FOXP2: variants seen among roughly 807,000 people sequenced by gnomAD.
FOXP2 encodes forkhead box protein P2.
In FOXP2, 12 loss-of-function variants were observed where a neutral mutation model predicts 115.8. The observed-to-expected ratio is 0.10, with a 90% CI of 0.07 to 0.17. The LOEUF (loss-of-function observed/expected upper bound fraction) is 0.17. Ranked by LOEUF, FOXP2 falls within the 10% of genes least tolerant of loss-of-function variation. The probability of loss-of-function intolerance (pLI) is 1.00; values close to 1 mark genes in which losing one functional copy is unlikely to be tolerated. For missense variants in FOXP2, 629 were observed against 843.5 expected, an observed-to-expected ratio of 0.75 and a Z score of 3.15; for synonymous variants, 328 against 297.7, an observed-to-expected ratio of 1.10 and a Z score of -1.05.
intron 2 of FOXP2, among the ~76,000 whole-genome samples, chr7:114,379,626 C>A (rs772387768): frequency 4.9e-4 from 74 of 152,048 alleles, no homozygotes; most frequent in Non-Finnish European, 9.1e-4. Context: ...GCATCTGGGG[C>A]TCCATTTGAA....
At chr7:114,574,245 C>A (rs999550719) in intron 3 of FOXP2, among the ~76,000 whole-genome samples, 10 of 151,554 alleles carry the variant, frequency 6.6e-5, no homozygotes, top group African/African-American at 1.5e-4. Flanking sequence ...ATTCACTATT[C>A]TAAGAGTAAC....
At chr7:114,377,380 T>A (rs1463645809) in intron 2 of FOXP2, among the ~76,000 whole-genome samples, 6 of 152,246 alleles carry the variant, frequency 3.9e-5, no homozygotes, top group Admixed American at 3.9e-4. Flanking sequence ...CAACTCCCAC[T>A]TAGAAGAGAA....
At chr7:114,180,842 G>C (rs1793436906) in intron 1 of FOXP2, among the ~76,000 whole-genome samples, 1 of 151,784 alleles carries the variant, frequency 6.6e-6, no homozygotes, top group African/African-American at 2.4e-5. Context: ...TCACTGCAAT[G>C]ATCTCTTAAT....
At chr7:114,337,086 G>A (rs1460340086) in intron 2 of FOXP2, among the ~76,000 whole-genome samples, 1 of 151,478 alleles carries the variant, frequency 6.6e-6, no homozygotes, top group Admixed American at 6.6e-5. Context: ...ATTTGATATA[G>A]ATTATTCTAT....
intron 6 of FOXP2, among the ~76,000 whole-genome samples, chr7:114,639,269 GC>G (rs1461272732): frequency 6.6e-6 from 1 of 152,088 alleles, no homozygotes; most frequent in Non-Finnish European, 1.5e-5. Context: ...TATAGAGTAT[GC>G]CCTTTAAGAG....
intron 2 of FOXP2, among the ~76,000 whole-genome samples, chr7:114,479,590 A>G (rs1225950519): frequency 6.6e-6 from 1 of 150,946 alleles, no homozygotes; most frequent in Non-Finnish European, 1.5e-5. Context: ...TTGTAAATAT[A>G]TGAGGGAGAT....
rs1422989229 is a variant in FOXP2 at position 114,691,347 on chromosome 7, C to T, written c.*1421C>T. On this transcript the variant is annotated 3_prime_UTR_variant, in exon 17 of 17. Transcript: ENST00000350908. ...AATTTCATATTGATTTTAAAGTGAT[C>T]TAGCTGAGTTTTTACACTGAAAGCA... The T allele has an allele frequency of 2.2e-6, 1 of 453,730 alleles. No individual in the cohort carries two copies. Among genetic ancestry groups the T allele is most frequent in the African/African-American group, 2.0e-5 (1 of 49,948 alleles). 28.1% of individuals were successfully genotyped at this position (453,730 alleles called of 1,614,324 possible).
At chr7:114,373,125 T>C (rs2129189919) in intron 2 of FOXP2, among the ~76,000 whole-genome samples, 1 of 152,214 alleles carries the variant, frequency 6.6e-6, no homozygotes, top group South Asian at 2.1e-4. Context: ...CCTGAGTAGC[T>C]GGGACTACAG....
intron 1 of FOXP2, among the ~76,000 whole-genome samples, chr7:114,247,215 TA>T (rs1795307028): frequency 6.6e-6 from 1 of 152,206 alleles, no homozygotes; most frequent in African/African-American, 2.4e-5. Flanking sequence ...TTGTTCTTAT[TA>T]TACGTTCTTT....
intron 2 of FOXP2, among the ~76,000 whole-genome samples, chr7:114,479,406 G>T (rs568507519): frequency 6.6e-6 from 1 of 151,298 alleles, no homozygotes; most frequent in East Asian, 1.9e-4. Flanking sequence ...AGTTACTTTG[G>T]ATCAGTTACT....
chr7:114,437,383 G>T (rs555272732), intron 2 of FOXP2, among the ~76,000 whole-genome samples: 1 of 152,246 alleles, frequency 6.6e-6, no homozygotes, highest in African/African-American at 2.4e-5. Flanking sequence ...ATGGAGCAGC[G>T]CCTTAGATGA....
chr7:114,516,739 A>C (rs111591821), intron 2 of FOXP2, among the ~76,000 whole-genome samples: 3,903 of 152,004 alleles, frequency 0.026, 168 homozygotes, highest in African/African-American at 0.086. Flanking sequence ...ACTGTTGCCA[A>C]GGCTGGAATG....
chr7:114,585,001 A>G (rs910270479), intron 3 of FOXP2, among the ~76,000 whole-genome samples: 1 of 152,124 alleles, frequency 6.6e-6, no homozygotes, highest in African/African-American at 2.4e-5. Flanking sequence ...TGCTTTTGTT[A>G]TTCATAATGC....
chr7:114,240,124 A>G (rs1363037329), intron 1 of FOXP2, among the ~76,000 whole-genome samples: 1 of 152,198 alleles, frequency 6.6e-6, no homozygotes. Context: ...TTATGATCTT[A>G]ATAAATGCAG....
intron 8 of FOXP2, among the ~76,000 whole-genome samples, chr7:114,651,901 A>G (rs116607245): frequency 6.6e-6 from 1 of 152,306 alleles, no homozygotes; most frequent in African/African-American, 2.4e-5. Flanking sequence ...TTTTAAAAAA[A>G]TGGCATAAAT....
At chr7:114,648,940 T>C (rs1326503649) in intron 8 of FOXP2, among the ~76,000 whole-genome samples, 1 of 152,034 alleles carries the variant, frequency 6.6e-6, no homozygotes, top group Non-Finnish European at 1.5e-5. Flanking sequence ...TAGGGGACAT[T>C]AGGGACTGGA....
intron 2 of FOXP2, among the ~76,000 whole-genome samples, chr7:114,394,009 A>T (rs62467863): frequency 0.013 from 127 of 10,020 alleles, 1 homozygote; most frequent in African/African-American, 0.029. Flanking sequence ...TGTGTGTGAG[A>T]GAGAGAGAGA....
At chr7:114,499,125 C>G (rs1386281065) in intron 2 of FOXP2, 1 of 529,722 alleles carries the variant, frequency 1.9e-6, no homozygotes, top group Non-Finnish European at 3.3e-6. Context: ...GTTTGAGAAC[C>G]ACTGGCCTAG....
At chr7:114,376,491 G>T (rs767683588) in intron 2 of FOXP2, among the ~76,000 whole-genome samples, 1 of 152,180 alleles carries the variant, frequency 6.6e-6, no homozygotes, top group African/African-American at 2.4e-5. Context: ...CATTCTTTCC[G>T]TAAAAAGTCA....
Sources: allele counts gnomAD v4.1 joint callset (sites outside exome capture counted in the v4.1 genomes callset), GRCh38; gene constraint gnomAD v4.1.1; transcripts MANE v1.5; gene names NCBI Gene and HGNC (gene_info 2026-07-23, HGNC 2026-07-21).